Variants in SETBP1 observed in about 807,000 individuals in gnomAD.
SETBP1 encodes SET binding protein 1.
A neutral mutation model predicts 101.0 loss-of-function variants in SETBP1; 9 were observed. The observed-to-expected ratio is 0.09, with a 90% CI of 0.05 to 0.16. The LOEUF (loss-of-function observed/expected upper bound fraction) is 0.16, where lower values mean the gene tolerates loss of function less well. SETBP1 is among the 10% of genes least tolerant of loss of function. The probability of loss-of-function intolerance (pLI) is 1.00; values close to 1 mark genes in which losing one functional copy is unlikely to be tolerated. For missense variants in SETBP1, 1,858 were observed against 2,033.8 expected (o/e 0.91, Z 1.66); for synonymous variants, 818 against 788.5 (o/e 1.04, Z -0.63).
intron 2 of SETBP1, among the ~76,000 whole-genome samples, chr18:44,819,214 G>T (rs1225704023): frequency 1.3e-5 from 2 of 152,040 alleles, no homozygotes; most frequent in Admixed American, 6.6e-5. Context: ...GCTACCTTTG[G>T]TTGGAGATGG....
In SETBP1 at chr18:44,857,908, G is replaced by A. The variant is rs143213474; in HGVS notation, c.487-11322G>A. Among the ~76,000 whole-genome samples, 1,219 of 152,312 alleles carry A rather than the reference G, an allele frequency of 8.0e-3. 9 individuals carry two copies. Among genetic ancestry groups the A allele is most frequent in the Non-Finnish European group, 0.013 (882 of 68,026 alleles). On this transcript the variant is annotated intron_variant, in intron 2 of 5. Transcript: ENST00000649279. ...GATACCTCTGTGAGATGAGCACAGA[G>A]TTCTTGAGAGTGAAATCATGGAGAT...
chr18:44,823,866 A>G (rs1345459463), intron 2 of SETBP1, among the ~76,000 whole-genome samples: 1 of 152,214 alleles, frequency 6.6e-6, no homozygotes, highest in Non-Finnish European at 1.5e-5. Flanking sequence ...TGAGGTGAGC[A>G]GTGAGGTTAA....
chr18:44,942,189 G>A (rs1303970409), intron 3 of SETBP1, among the ~76,000 whole-genome samples: 2 of 152,100 alleles, frequency 1.3e-5, no homozygotes, highest in African/African-American at 4.8e-5. Context: ...CTGCTCTTAA[G>A]GAGTACCATT....
intron 5 of SETBP1, among the ~76,000 whole-genome samples, chr18:45,050,357 C>CT (rs1393238365): frequency 3.9e-5 from 6 of 152,176 alleles, no homozygotes; most frequent in African/African-American, 1.4e-4. Flanking sequence ...TTTTTGTCCT[C>CT]TTTCCCCTAT....
At chr18:44,800,520 C>T (rs924634220) in intron 2 of SETBP1, among the ~76,000 whole-genome samples, 35 of 152,060 alleles carry the variant, frequency 2.3e-4, no homozygotes, top group African/African-American at 8.2e-4. Flanking sequence ...TGAAGAAAAC[C>T]TGTGGTGCTG....
chr18:44,767,048 A>G (rs1224197999), intron 2 of SETBP1, among the ~76,000 whole-genome samples: 1 of 152,192 alleles, frequency 6.6e-6, no homozygotes, highest in Non-Finnish European at 1.5e-5. Flanking sequence ...TCACAGAGCA[A>G]ATTTAGAAAC....
chr18:44,936,079 G>A (rs369603235), intron 3 of SETBP1, among the ~76,000 whole-genome samples: 1 of 152,152 alleles, frequency 6.6e-6, no homozygotes, highest in Non-Finnish European at 1.5e-5. Context: ...TCTCCATCAG[G>A]ATGAGCCTGC....
At chr18:45,020,500 A>G (rs1044696204) in intron 4 of SETBP1, among the ~76,000 whole-genome samples, 1 of 152,080 alleles carries the variant, frequency 6.6e-6, no homozygotes, top group East Asian at 1.9e-4. Context: ...AAAAATAGGA[A>G]TGTTTCCCAC....
intron 2 of SETBP1, among the ~76,000 whole-genome samples, chr18:44,715,046 G>A (rs183555391): frequency 2.6e-5 from 4 of 152,266 alleles, no homozygotes; most frequent in Non-Finnish European, 4.4e-5. Context: ...TTGGTGGGGT[G>A]GGGGGTGTTT....
intron 2 of SETBP1, among the ~76,000 whole-genome samples, chr18:44,739,084 C>T (rs1282027782): frequency 2.6e-5 from 4 of 152,114 alleles, no homozygotes; most frequent in Non-Finnish European, 5.9e-5. Flanking sequence ...TAACTCAAGT[C>T]GAATCATTTT....
At chr18:44,762,560 G>A (rs1214691370) in intron 2 of SETBP1, among the ~76,000 whole-genome samples, 1 of 152,216 alleles carries the variant, frequency 6.6e-6, no homozygotes, top group East Asian at 1.9e-4. Context: ...CTCAATGGTT[G>A]ACAGGGTATA....
At position 45,063,777 on chromosome 18, in the gene SETBP1, C is replaced by G. The variant is rs900049637; in HGVS notation, c.*79C>G. 2.0e-6 allele frequency: 3 copies of G among 1,484,644 alleles called. No homozygotes were observed. The highest frequency in any genetic ancestry group is 1.4e-5 in the African/African-American group (1 of 70,462). 92.0% of individuals were successfully genotyped at this position (1,484,644 alleles called of 1,614,324 possible). Reference sequence around the variant, plus strand: ...CAGTGAGCCGGGGCGGGGGCGGAATCCCCCGCTGCAGGGACACCCACGCCC... The same window carrying G: ...CAGTGAGCCGGGGCGGGGGCGGAATGCCCCGCTGCAGGGACACCCACGCCC... On this transcript the variant is annotated 3_prime_UTR_variant, in exon 6 of 6. Transcript: ENST00000649279.
chr18:44,832,139 T>A (rs1056831837), intron 2 of SETBP1, among the ~76,000 whole-genome samples: 1 of 152,234 alleles, frequency 6.6e-6, no homozygotes. Flanking sequence ...CCCTTTTTTA[T>A]GATTTTTGAC....
intron 2 of SETBP1, among the ~76,000 whole-genome samples, chr18:44,787,479 T>C (rs901075932): frequency 6.6e-6 from 1 of 152,126 alleles, no homozygotes; most frequent in Non-Finnish European, 1.5e-5. Flanking sequence ...GATGAATTAC[T>C]GAAAAAAATA....
intron 3 of SETBP1, among the ~76,000 whole-genome samples, chr18:44,873,203 C>T (rs996841739): frequency 7.2e-5 from 11 of 152,162 alleles, no homozygotes; most frequent in Non-Finnish European, 1.5e-5. Context: ...CTGTAGGGCT[C>T]CCAGCTATAC....
chr18:44,859,928 C>T lies in SETBP1; in HGVS notation c.487-9302C>T, dbSNP rs569220423. 1.7e-4 allele frequency among the ~76,000 whole-genome samples: 26 copies of T among 152,316 alleles called. No homozygotes were observed. In the South Asian group the frequency reaches 5.2e-3, roughly 30 times the overall value. On this transcript the variant is annotated intron_variant, in intron 2 of 5. Coordinates refer to ENST00000649279, the MANE Select transcript of SETBP1 (RefSeq NM_015559.3). ...AATTGCTCCAGATTTGGCCGAGGGA[C>T]CCAGATTCTCTGCCAAATTGGCTCC...
chr18:44,887,229 G>A (rs985936803), intron 3 of SETBP1, among the ~76,000 whole-genome samples: 3 of 152,148 alleles, frequency 2.0e-5, no homozygotes, highest in Non-Finnish European at 2.9e-5. Context: ...CCCAATAAAA[G>A]GAGGTTTCCT....
chr18:44,756,370 T>A (rs2070495323), intron 2 of SETBP1, among the ~76,000 whole-genome samples: 1 of 152,218 alleles, frequency 6.6e-6, no homozygotes, highest in East Asian at 1.9e-4. Flanking sequence ...TGGAACACTT[T>A]CAAGTAGGAC....
At chr18:44,820,659 CA>C (rs1406069138) in intron 2 of SETBP1, among the ~76,000 whole-genome samples, 3 of 152,208 alleles carry the variant, frequency 2.0e-5, no homozygotes, top group Admixed American at 1.3e-4. Flanking sequence ...TCTGAAATGT[CA>C]ATCCTGTGCT....
Sources: gnomAD v4.1 joint callset for allele counts (sites outside exome capture counted in the v4.1 genomes callset) on GRCh38, gnomAD v4.1.1 for gene constraint, MANE v1.5 for transcripts, NCBI Gene and HGNC (gene_info 2026-07-23, HGNC 2026-07-21) for gene names.